The following ITGB6 variants were observed in gnomAD, a reference collection of about 807,000 sequenced individuals.
ITGB6 encodes the protein integrin subunit beta 6, also known as integrin beta-6.
ITGB6 carries 80 observed loss-of-function variants against 84.5 expected under a neutral mutation model. That is an observed-to-expected ratio of 0.95 (90% confidence interval 0.79 to 1.14). The LOEUF (loss-of-function observed/expected upper bound fraction) is 1.14. ITGB6 is among the 50% of genes most tolerant of loss of function. The pLI is 0.00. For synonymous variants in ITGB6, 383 were observed against 354.9 expected, an observed-to-expected ratio of 1.08 and a Z score of -0.89; for missense variants, 1,006 against 968.0, an observed-to-expected ratio of 1.04 and a Z score of -0.52.
chr2:160,187,327 G>A (rs1010471229), intron 4 of ITGB6, among the ~76,000 whole-genome samples: 7 of 152,036 alleles, frequency 4.6e-5, no homozygotes, highest in Admixed American at 3.9e-4. Flanking sequence ...AAAATGAAAA[G>A]AGATCAATGG....
intron 12 of ITGB6, 80 bp from the exon 13 acceptor site, chr2:160,112,279 T>C: frequency 3.0e-6 from 4 of 1,330,804 alleles, no homozygotes; most frequent in Non-Finnish European, 4.2e-6. Context: ...TATTGAGTTT[T>C]AATATGTAAA....
At chr2:160,154,134 G>A (rs1451004407) in intron 7 of ITGB6, among the ~76,000 whole-genome samples, 1 of 152,204 alleles carries the variant, frequency 6.6e-6, no homozygotes, top group Non-Finnish European at 1.5e-5. Flanking sequence ...ACATGCACAT[G>A]TATGTTTATT....
At chr2:160,112,297 T>C (rs1281740100) in intron 12 of ITGB6, 98 bp from the exon 13 acceptor site, 2 of 1,155,836 alleles carry the variant, frequency 1.7e-6, no homozygotes, top group East Asian at 5.0e-5. Flanking sequence ...AAATTAGAGT[T>C]TTCAATATTG....
At position 160,109,905 on chromosome 2, in the gene ITGB6, A is replaced by G. The variant is rs188531785; in HGVS notation, c.2102-2060T>C. ...TACACACTGATTTTGAACACTTGGC[A>G]TGAAAAAAATGTAAAATATCTCAGC... On this transcript the variant is annotated intron_variant, in intron 13 of 14. Coordinates refer to ENST00000283249, the MANE Select transcript of ITGB6 (RefSeq NM_000888.5). Among the ~76,000 whole-genome samples the G allele has an allele frequency of 2.8e-3, 434 of 152,320 alleles. 2 individuals are homozygous for G. Among genetic ancestry groups the G allele is most frequent in the African/African-American group, 0.01 (417 of 41,566 alleles).
At chr2:160,170,879 T>A (rs1035348652) in intron 6 of ITGB6, among the ~76,000 whole-genome samples, 1 of 152,170 alleles carries the variant, frequency 6.6e-6, no homozygotes, top group Admixed American at 6.5e-5. Flanking sequence ...AAAATGGAGC[T>A]TTTTGTGGTG....
chr2:160,131,785 T>C (rs1451995779), intron 10 of ITGB6, among the ~76,000 whole-genome samples: 2 of 152,210 alleles, frequency 1.3e-5, no homozygotes, highest in Non-Finnish European at 2.9e-5. Context: ...AGAATTTCTG[T>C]AGCAATCACT....
chr2:160,128,334 A>C lies in ITGB6; in HGVS notation c.1661-1733T>G, dbSNP rs190428521. ...ACATGTGGAATCATGTGACCTGCTT[A>C]ATACCCATAGAACTTTCCTATGGAT... On this transcript the variant is annotated intron_variant, in intron 10 of 14. Transcript: ENST00000283249. Among the ~76,000 whole-genome samples, 24 of 152,080 alleles carry C rather than the reference A, an allele frequency of 1.6e-4. No homozygotes were observed. The East Asian group carries it at 4.4e-3, about 28-fold the overall frequency.
intron 11 of ITGB6, among the ~76,000 whole-genome samples, chr2:160,125,496 C>T (rs565041098): frequency 1.9e-4 from 29 of 152,208 alleles, no homozygotes; most frequent in South Asian, 1.9e-3. Flanking sequence ...TGTCCTCATG[C>T]TTCTCCTGGC....
intron 12 of ITGB6, among the ~76,000 whole-genome samples, chr2:160,115,656 G>A (rs561035674): frequency 1.2e-4 from 19 of 152,360 alleles, no homozygotes; most frequent in African/African-American, 4.3e-4. Flanking sequence ...AACAAAGCTG[G>A]AGGGAGAATG....
chr2:160,134,649 A>T (rs536961826), intron 10 of ITGB6, among the ~76,000 whole-genome samples: 2 of 152,344 alleles, frequency 1.3e-5, no homozygotes, highest in African/African-American at 4.8e-5. Flanking sequence ...CGGTGCAAAA[A>T]TCCTCAATAA....
At chr2:160,108,885 G>A (rs1386269312) in intron 13 of ITGB6, among the ~76,000 whole-genome samples, 1 of 152,124 alleles carries the variant, frequency 6.6e-6, no homozygotes, top group South Asian at 2.1e-4. Context: ...ATATGCCTAG[G>A]AGATGATACA....
intron 10 of ITGB6, among the ~76,000 whole-genome samples, chr2:160,127,845 A>G (rs1378741613): frequency 6.6e-6 from 1 of 152,200 alleles, no homozygotes; most frequent in Non-Finnish European, 1.5e-5. Flanking sequence ...ATGATGCAAG[A>G]CAGACCTGGA....
intron 7 of ITGB6, among the ~76,000 whole-genome samples, chr2:160,149,743 A>C (rs1357255752): frequency 6.6e-6 from 1 of 152,180 alleles, no homozygotes; most frequent in Admixed American, 6.5e-5. Context: ...CAGAATAAAC[A>C]GTGTAGAGAA....
chr2:160,114,844 A>C (rs1682694090), intron 12 of ITGB6, among the ~76,000 whole-genome samples: 1 of 152,244 alleles, frequency 6.6e-6, no homozygotes, highest in African/African-American at 2.4e-5. Flanking sequence ...ATGGCACACC[A>C]GATTATATCC....
intron 7 of ITGB6, among the ~76,000 whole-genome samples, chr2:160,152,604 C>G (rs1413058095): frequency 6.6e-6 from 1 of 152,114 alleles, no homozygotes; most frequent in Non-Finnish European, 1.5e-5. Context: ...CTAGGGCAAT[C>G]AGGCAGGAGA....
intron 4 of ITGB6, among the ~76,000 whole-genome samples, chr2:160,188,493 T>C (rs1685995661): frequency 6.6e-6 from 1 of 152,184 alleles, no homozygotes; most frequent in South Asian, 2.1e-4. Context: ...CCTGCAGTGC[T>C]CTGGTCTCCC....
chr2:160,157,316 A>C (rs962328463), intron 7 of ITGB6, among the ~76,000 whole-genome samples: 2 of 152,216 alleles, frequency 1.3e-5, no homozygotes, highest in East Asian at 3.8e-4. Context: ...AGAGGGGGAC[A>C]TGATTCAAAC....
intron 4 of ITGB6, among the ~76,000 whole-genome samples, chr2:160,181,589 C>T (rs1387666946): frequency 2.6e-5 from 4 of 152,204 alleles, no homozygotes; most frequent in African/African-American, 7.2e-5. Flanking sequence ...TCCCTGCCTG[C>T]CAGCTCTGAA....
chr2:160,176,538 C>G (rs1366807086), intron 4 of ITGB6, among the ~76,000 whole-genome samples: 3 of 152,194 alleles, frequency 2.0e-5, no homozygotes, highest in Non-Finnish European at 2.9e-5. Flanking sequence ...CATTGAAACT[C>G]TAAAGTGCTG....
Sources: gnomAD v4.1 joint callset for allele counts (sites outside exome capture counted in the v4.1 genomes callset) on GRCh38, gnomAD v4.1.1 for gene constraint, MANE v1.5 for transcripts, NCBI Gene and HGNC (gene_info 2026-07-23, HGNC 2026-07-21) for gene names.